PLEKHM2: variants seen among roughly 807,000 people sequenced by gnomAD.
PLEKHM2 encodes pleckstrin homology domain-containing family M member 2.
Under a neutral mutation model 116.3 loss-of-function variants are expected in PLEKHM2, and 77 were observed. The observed-to-expected ratio is 0.66, with a 90% CI of 0.55 to 0.80. The LOEUF (loss-of-function observed/expected upper bound fraction) is 0.80, where lower values mean the gene tolerates loss of function less well. Among genes scored for constraint, PLEKHM2 ranks in the 30% least tolerant of loss-of-function variants. The probability of loss-of-function intolerance (pLI) is 0.00; values close to 1 mark genes in which losing one functional copy is unlikely to be tolerated. For synonymous variants in PLEKHM2, 562 were observed against 571.0 expected (o/e 0.98, Z 0.22); for missense variants, 1,183 against 1,354.9 (o/e 0.87, Z 1.99).
chr1:15,719,862 C>T lies in PLEKHM2; in HGVS notation c.594C>T (p.Asn198=), dbSNP rs2067966822. Residue 198 remains asparagine (N), a synonymous_variant, in exon 6 of 20, where the codon AAC becomes AAT. Coordinates refer to ENST00000375799, the MANE Select transcript of PLEKHM2 (RefSeq NM_015164.4). The surrounding 1 kb of genome is among the most constrained non-coding windows in gnomAD (Gnocchi z 4.1). ...GSDSLSLNSF[N]SVTSTNLEWD... The stretch of plus-strand genomic sequence containing the variant: ...ACAGTCTGTCCCTCAACTCTTTCAA[C>T]TCCGTCACCTCCACCAACCTGGAGT... 2 of 1,613,810 alleles carry T rather than the reference C, an allele frequency of 1.2e-6. No homozygotes were observed. The highest frequency in any genetic ancestry group is 4.5e-5 in the East Asian group (2 of 44,880).
chr1:15,719,590 G>T lies in PLEKHM2; in HGVS notation c.466-144G>T. The stretch of plus-strand genomic sequence containing the variant: ...AACACTATTCACATTGCTCTTCTTA[G>T]CAGCTTTTCTTTGAATTTACTACCT... On this transcript the variant is annotated intron_variant, in intron 5 of 19. Transcript: ENST00000375799. This position sits in a 1 kb window ranked among gnomAD's most constrained non-coding sequence, Gnocchi z 4.1. 1 of 583,136 alleles carries T rather than the reference G, an allele frequency of 1.7e-6. No homozygotes were observed. The highest frequency in any genetic ancestry group is 3.1e-6 in the Non-Finnish European group (1 of 327,770). The allele number at this position is 583,136 out of a possible 1,614,324, so 36.1% of individuals were successfully genotyped here.
At chr1:15,708,382 A>G (rs2148348772) in intron 1 of PLEKHM2, among the ~76,000 whole-genome samples, 1 of 150,914 alleles carries the variant, frequency 6.6e-6, no homozygotes, top group East Asian at 2.0e-4. Context: ...ACGCCCGGCT[A>G]ATTTTTGTAT....
chr1:15,710,214 G>A (rs1481872684), intron 1 of PLEKHM2, among the ~76,000 whole-genome samples: 1 of 139,980 alleles, frequency 7.1e-6, no homozygotes, highest in African/African-American at 2.7e-5. Flanking sequence ...GCGACAGAGC[G>A]AGACTCCATC....
chr1:15,699,912 C>T (rs1450565877), intron 1 of PLEKHM2, among the ~76,000 whole-genome samples: 2 of 151,408 alleles, frequency 1.3e-5, no homozygotes, highest in South Asian at 2.1e-4. Flanking sequence ...CCCAGGAGTT[C>T]GAGACTGTAG....
rs902869824 is a variant in PLEKHM2 at position 15,728,743 on chromosome 1, G to C, written c.1986+10G>C. 12 of 1,604,276 alleles carry C rather than the reference G, an allele frequency of 7.5e-6. No homozygotes were observed. The highest frequency in any genetic ancestry group is 1.7e-5 in the Admixed American group (1 of 58,558). On this transcript the variant is annotated intron_variant, in intron 12 of 19. Transcript: ENST00000375799. The surrounding 1 kb of genome is among the most constrained non-coding windows in gnomAD (Gnocchi z 5.9). ...ACTTGACTATGTGTCGGTGAGTCCA[G>C]GCCCCGCAGTTGTGCGCCTGCTGTA...
In PLEKHM2 at chr1:15,728,311, G is replaced by A. The variant is rs967687588; in HGVS notation, c.1875G>A (p.Leu625=). The A allele has an allele frequency of 1.3e-5, 21 of 1,613,130 alleles. No homozygotes were observed. Among genetic ancestry groups the A allele is most frequent in the Non-Finnish European group, 1.5e-5 (18 of 1,179,850 alleles). ...STGHMEGNLQ[L]LYVLLTDCYV... is the part of the protein sequence containing the mutation. Reference sequence around the variant, plus strand: ...GGCACATGGAGGGCAACCTGCAGCTGCTGTACGTGCTGCTCACAGACTGCT... The same window carrying A: ...GGCACATGGAGGGCAACCTGCAGCTACTGTACGTGCTGCTCACAGACTGCT... The change falls in exon 11 of 20, where the codon CTG becomes CTA. Residue 625 remains leucine (L), a synonymous_variant. Coordinates refer to ENST00000375799, the MANE Select transcript of PLEKHM2 (RefSeq NM_015164.4). The surrounding 1 kb of genome is among the most constrained non-coding windows in gnomAD (Gnocchi z 5.9).
chr1:15,688,016 C>G (rs1243621189), intron 1 of PLEKHM2, among the ~76,000 whole-genome samples: 3 of 152,146 alleles, frequency 2.0e-5, no homozygotes, highest in Non-Finnish European at 4.4e-5. Context: ...GGAAAGTGTA[C>G]AGGTCCTGAG....
Position 15,725,326 on chromosome 1 carries a change from T to C in PLEKHM2, c.722T>C (p.Leu241Pro). The change falls in exon 8 of 20, where the codon CTC becomes CCC. Residue 241 changes from leucine to proline, a missense_variant. By Grantham distance (98) the Leu-to-Pro change is moderately conservative. Transcript: ENST00000375799. The part of the protein sequence containing the change: ...VPSTDWEDGD[L>P]TDTVSGPRST... ...TTCCTTGTCCTCCCAGATGGAGACC[T>C]CACAGACACGGTCAGTGGTCCCCGC... The C allele has an allele frequency of 6.4e-7, 1 of 1,550,688 alleles. No individual in the cohort carries two copies. Among genetic ancestry groups the C allele is most frequent in the Non-Finnish European group, 8.7e-7 (1 of 1,146,540 alleles).
rs776184003 is a variant in PLEKHM2, at chr1:15,716,282, C to T, written c.106C>T (p.Arg36Trp). 6.8e-6 allele frequency: 11 copies of T among 1,607,612 alleles called. No individual in the cohort carries two copies. Among genetic ancestry groups the T allele is most frequent in the African/African-American group, 2.7e-5 (2 of 74,896 alleles). ...ATGTGAGGATGAGATCCCTGCCATC[C>T]GGAACCATGACAAGGTCCTACAGCG... ...AACEDEIPAI[R>W]NHDKVLQRLC... The change falls in exon 2 of 20, where the codon CGG (arginine) becomes TGG (tryptophan). Residue 36 changes from arginine to tryptophan, a missense_variant. By Grantham distance (101) the Arg-to-Trp change is moderately radical (BLOSUM62 -3). Coordinates refer to ENST00000375799, the MANE Select transcript of PLEKHM2 (RefSeq NM_015164.4).
chr1:15,721,235 C>T lies in PLEKHM2; in HGVS notation c.653-94C>T. The T allele has an allele frequency of 1.4e-6, 1 of 727,458 alleles. No individual in the cohort carries two copies. The highest frequency in any genetic ancestry group is 2.7e-5 in the East Asian group (1 of 36,486). 45.1% of individuals were successfully genotyped at this position (727,458 alleles called of 1,614,324 possible). A position where few individuals can be genotyped will look rare whatever the true frequency, so the allele number is the denominator to read the frequency against. On this transcript the variant is annotated intron_variant, in intron 6 of 19. Transcript: ENST00000375799. The surrounding 1 kb of genome is among the most constrained non-coding windows in gnomAD (Gnocchi z 5.1). ...TGAAGTTTTCCTCTCCTATTTTCTC[C>T]CCATGTCTCCCACCCCATTTCCCCT...
At chr1:15,712,133 A>C (rs936358492) in intron 1 of PLEKHM2, among the ~76,000 whole-genome samples, 3 of 151,800 alleles carry the variant, frequency 2.0e-5, no homozygotes, top group Non-Finnish European at 4.4e-5. Flanking sequence ...AAAAAAAAAA[A>C]AAAAAAGAGC....
chr1:15,684,003 C>T (rs1640702188), upstream of PLEKHM2, among the ~76,000 whole-genome samples: 3 of 149,824 alleles, frequency 2.0e-5, no homozygotes, highest in South Asian at 6.4e-4. Flanking sequence ...GTCCGGAGTC[C>T]CTGGGGTCTG....
In PLEKHM2 at chr1:15,730,582, C is replaced by T. The variant is rs1461323046; in HGVS notation, c.2259C>T (p.Pro753=). ...RFYGLVHWED[P]TDESLGPTPC... is the part of the protein sequence containing the mutation. ...ACGGCCTTGTGCACTGGGAGGACCC[C>T]ACAGACGAGTCCCTGGGCCCCACGC... The change falls in exon 15 of 20, where the codon CCC becomes CCT. Residue 753 remains proline, a synonymous_variant. Transcript: ENST00000375799. The T allele has an allele frequency of 6.2e-7, 1 of 1,605,354 alleles. No individual in the cohort carries two copies. The highest frequency in any genetic ancestry group is 8.5e-7 in the Non-Finnish European group (1 of 1,176,724).
At chr1:15,686,851 A>G (rs1293089348) in intron 1 of PLEKHM2, among the ~76,000 whole-genome samples, 1 of 151,758 alleles carries the variant, frequency 6.6e-6, no homozygotes, top group Non-Finnish European at 1.5e-5. Context: ...GGGTTTCACC[A>G]TGTTAACCAG....
chr1:15,684,645 G>C (rs1207624338), intron 1 of PLEKHM2, 27 bp downstream of exon 1: 11 of 1,235,104 alleles, frequency 8.9e-6, no homozygotes, highest in Non-Finnish European at 1.1e-5. Flanking sequence ...TCCCGGCCGG[G>C]GCCCCTTCCT....
intron 1 of PLEKHM2, among the ~76,000 whole-genome samples, chr1:15,706,399 T>C (rs1641227121): frequency 6.6e-6 from 1 of 151,926 alleles, no homozygotes; most frequent in Admixed American, 6.6e-5. Context: ...CTTATTTGTT[T>C]GTTTGTTTTT....
rs1283085017 is a variant in PLEKHM2 at position 15,728,402 on chromosome 1, ACT to A, written c.1921+49_1921+50del. 8 of 1,538,504 alleles carry A rather than the reference ACT, an allele frequency of 5.2e-6. No individual in the cohort carries two copies. In the African/African-American group the frequency reaches 6.8e-5, roughly 13 times the overall value. On this transcript the variant is annotated intron_variant, in intron 11 of 19. Transcript: ENST00000375799. This position sits in a 1 kb window ranked among gnomAD's most constrained non-coding sequence, Gnocchi z 5.9. ...AGACAGCGGGTTGTAGACGAGGCTG[ACT>A]CTCAGCCCCTTTTCCCCAGTCCCCT... is the stretch of plus-strand genomic sequence containing the variant.
intron 1 of PLEKHM2, among the ~76,000 whole-genome samples, chr1:15,685,033 G>A (rs1309495347): frequency 6.6e-6 from 1 of 152,254 alleles, no homozygotes; most frequent in Non-Finnish European, 1.5e-5. Flanking sequence ...TCAGGGTGGA[G>A]GCCAGTGATA....
Position 15,721,215 on chromosome 1 carries a change from T to G in PLEKHM2, c.653-114T>G. ...TTGGATACAATGTAGAAAGTTGAAG[T>G]TTTCCTCTCCTATTTTCTCCCCATG... On this transcript the variant is annotated intron_variant, in intron 6 of 19. Transcript: ENST00000375799. This position sits in a 1 kb window ranked among gnomAD's most constrained non-coding sequence, Gnocchi z 5.1. 3 of 697,060 alleles carry G rather than the reference T, an allele frequency of 4.3e-6. No homozygotes were observed. Among genetic ancestry groups the G allele is most frequent in the East Asian group, 2.8e-5 (1 of 35,708 alleles). 43.2% of individuals were successfully genotyped at this position (697,060 alleles called of 1,614,324 possible).
Sources: gnomAD v4.1 joint callset for allele counts (sites outside exome capture counted in the v4.1 genomes callset) on GRCh38, gnomAD v4.1.1 for gene constraint, Gnocchi (gnomAD v3.1) non-coding constraint, MANE v1.5 for transcripts, NCBI Gene and HGNC (gene_info 2026-07-23, HGNC 2026-07-21) for gene names.